ANKDD1B: variants seen among roughly 807,000 people sequenced by gnomAD.
ANKDD1B encodes the protein ankyrin repeat and death domain-containing protein 1B.
A neutral mutation model predicts 59.7 loss-of-function variants in ANKDD1B; 57 were observed. The observed-to-expected ratio is 0.95, with a 90% confidence interval of 0.77 to 1.19. ANKDD1B has a LOEUF of 1.19. Among genes scored for constraint, ANKDD1B ranks in the 50% most tolerant of loss-of-function variants. The pLI is 0.00. For missense variants in ANKDD1B, 602 were observed against 641.9 expected (o/e 0.94, Z 0.67); for synonymous variants, 216 against 239.5 (o/e 0.90, Z 0.91).
intron 9 of ANKDD1B, among the ~76,000 whole-genome samples, chr5:75,656,573 G>T (rs1301380982): frequency 2.6e-5 from 4 of 152,158 alleles, no homozygotes; most frequent in South Asian, 2.1e-4. Flanking sequence ...TGGAATAAAA[G>T]AAAAATCACT....
chr5:75,625,793 C>T, intron 4 of ANKDD1B, 48 bp downstream of exon 4: 1 of 1,526,046 alleles, frequency 6.6e-7, no homozygotes, highest in Non-Finnish European at 8.8e-7. Context: ...CTCACCATTG[C>T]AGGAGAGAGG....
chr5:75,647,862 A>G, intron 7 of ANKDD1B, among the ~76,000 whole-genome samples: 1 of 113,312 alleles, frequency 8.8e-6, no homozygotes, highest in East Asian at 2.3e-4. Context: ...CAAATGTCCA[A>G]CAATGATAGA....
rs1278984759 is a variant in ANKDD1B, at chr5:75,656,137, GC to G, written c.996+11del. The G allele has an allele frequency of 8.2e-6, 11 of 1,342,736 alleles. No individual in the cohort carries two copies. The Admixed American group carries it at 1.0e-4, about 13-fold the overall frequency. The allele number at this position is 1,342,736 out of a possible 1,614,324, so 83.2% of individuals were successfully genotyped here. On this transcript the variant is annotated intron_variant, in intron 9 of 13. Coordinates refer to ENST00000601380, the MANE Select transcript of ANKDD1B (RefSeq NM_001276713.2). ...TGACATCTTAAATCAGGTAAGCCAGGCAAATCAGAGCCTGGAGGGTCTCTTT... is the reference window on the plus strand; with the variant it reads ...TGACATCTTAAATCAGGTAAGCCAGGAAATCAGAGCCTGGAGGGTCTCTTT...
chr5:75,621,573 G>A (rs186960149), intron 3 of ANKDD1B, among the ~76,000 whole-genome samples: 1 of 152,064 alleles, frequency 6.6e-6, no homozygotes, highest in African/African-American at 2.4e-5. Context: ...AGAGTGGACT[G>A]TGCTTACTTC....
intron 7 of ANKDD1B, among the ~76,000 whole-genome samples, chr5:75,639,445 C>T (rs565014221): frequency 1.2e-4 from 18 of 152,300 alleles, no homozygotes; most frequent in Middle Eastern, 3.4e-3. Flanking sequence ...GATCCACCCA[C>T]CTCGGTCTCC....
At chr5:75,620,485 A>G in intron 3 of ANKDD1B, 72 bp downstream of exon 3, 1 of 822,032 alleles carries the variant, frequency 1.2e-6, no homozygotes, top group Non-Finnish European at 1.9e-6. Flanking sequence ...TTCCAGTTAG[A>G]CATCTTTTCT....
At chr5:75,614,458 G>A (rs944744303) in intron 1 of ANKDD1B, among the ~76,000 whole-genome samples, 3 of 152,312 alleles carry the variant, frequency 2.0e-5, no homozygotes, top group South Asian at 2.1e-4. Flanking sequence ...TGAAAAGGTA[G>A]TAAAGAGCAA....
chr5:75,612,197 T>A (rs1438153148), intron 1 of ANKDD1B, among the ~76,000 whole-genome samples: 1 of 152,242 alleles, frequency 6.6e-6, no homozygotes, highest in African/African-American at 2.4e-5. Context: ...TCACTTAATC[T>A]TTCTGCACTT....
At position 75,625,656 on chromosome 5, in the gene ANKDD1B, AC is replaced by A; in HGVS notation, c.407del (p.Thr136LysfsTer2). On this transcript the variant is annotated frameshift_variant, in exon 4 of 14. Coordinates refer to ENST00000601380, the MANE Select transcript of ANKDD1B (RefSeq NM_001276713.2). LOFTEE classifies it high-confidence loss of function. The part of the protein sequence containing the change: ...RVDVADKHGL[T>X]VIHLAAWSGS... The stretch of plus-strand genomic sequence containing the variant: ...TGTCTTCTTGGGGAAGCACGGCTTG[AC>A]AGTAATTCACCTTGCAGCCTGGTCT... 6.5e-7 allele frequency: 1 copy of A among 1,536,212 alleles called. No homozygotes were observed. Among genetic ancestry groups the A allele is most frequent in the Non-Finnish European group, 8.7e-7 (1 of 1,146,892 alleles).
At chr5:75,613,677 G>A (rs1160066183) in intron 1 of ANKDD1B, among the ~76,000 whole-genome samples, 1 of 152,156 alleles carries the variant, frequency 6.6e-6, no homozygotes, top group African/African-American at 2.4e-5. Context: ...ACATGTTGAA[G>A]AAGGGAAGAC....
At chr5:75,623,414 T>A (rs1221152749) in intron 3 of ANKDD1B, among the ~76,000 whole-genome samples, 3 of 152,144 alleles carry the variant, frequency 2.0e-5, no homozygotes, top group East Asian at 1.9e-4. Flanking sequence ...TATAGAGCGC[T>A]GACTTGTAGG....
rs1419195075 is a variant in ANKDD1B, at chr5:75,625,737, A to G, written c.487A>G (p.Lys163Glu). 25 of 1,536,230 alleles carry G rather than the reference A, an allele frequency of 1.6e-5. No individual in the cohort carries two copies. The highest frequency in any genetic ancestry group is 2.1e-5 in the Non-Finnish European group (24 of 1,146,930). ...TAAAGCTGGAGCAGACCAGAGAGCC[A>G]AGAATCAGGTAGGTATGTGGGTCAC... is the stretch of plus-strand genomic sequence containing the variant. ...LVKAGADQRA[K>E]NQDGMSALHF... The change falls in exon 4 of 14, where the codon AAG becomes GAG. Residue 163 changes from lysine to glutamate, a missense_variant. By Grantham distance (56) the Lys-to-Glu change is moderately conservative. Coordinates refer to ENST00000601380, the MANE Select transcript of ANKDD1B (RefSeq NM_001276713.2).
chr5:75,668,219 C>T, intron 12 of ANKDD1B, among the ~76,000 whole-genome samples: 1 of 152,024 alleles, frequency 6.6e-6, no homozygotes, highest in Middle Eastern at 3.2e-3. Flanking sequence ...TTTATTTCTG[C>T]TGGATGAGGG....
At chr5:75,665,512 TCTTA>T (rs10604579) in intron 11 of ANKDD1B, among the ~76,000 whole-genome samples, 10,746 of 152,238 alleles carry the variant, frequency 0.071, 486 homozygotes, top group East Asian at 0.26. Context: ...CCATCCTCAA[TCTTA>T]CTTCTTTTAG....
intron 10 of ANKDD1B, among the ~76,000 whole-genome samples, chr5:75,659,900 A>C (rs1775080525): frequency 6.6e-6 from 1 of 151,828 alleles, no homozygotes; most frequent in Admixed American, 6.6e-5. Flanking sequence ...TTAAGTGGAG[A>C]TATTACTACA....
intron 8 of ANKDD1B, among the ~76,000 whole-genome samples, chr5:75,654,763 C>T (rs1047754011): frequency 3.3e-5 from 5 of 152,154 alleles, no homozygotes; most frequent in African/African-American, 4.8e-5. Flanking sequence ...GTGTCTGATG[C>T]GTATCATTAA....
At chr5:75,658,983 G>A (rs1460606148) in intron 9 of ANKDD1B, among the ~76,000 whole-genome samples, 1 of 151,934 alleles carries the variant, frequency 6.6e-6, no homozygotes, top group African/African-American at 2.4e-5. Flanking sequence ...TCTACTTTCT[G>A]TCTCTATATA....
intron 11 of ANKDD1B, among the ~76,000 whole-genome samples, chr5:75,664,925 C>T (rs2112029557): frequency 6.6e-6 from 1 of 152,160 alleles, no homozygotes; most frequent in African/African-American, 2.4e-5. Flanking sequence ...ATTTTTTTAA[C>T]CAAATGCATT....
intron 7 of ANKDD1B, among the ~76,000 whole-genome samples, chr5:75,637,160 G>A (rs1383972204): frequency 1.4e-5 from 2 of 145,388 alleles, no homozygotes; most frequent in African/African-American, 2.6e-5. Context: ...CAGGAGAGTC[G>A]CTTGAACCCG....
Sources: allele counts gnomAD v4.1 joint callset (sites outside exome capture counted in the v4.1 genomes callset), GRCh38; gene constraint gnomAD v4.1.1; transcripts MANE v1.5; gene names NCBI Gene and HGNC (gene_info 2026-07-23, HGNC 2026-07-21).